Variants in PCDH15 observed in about 807,000 individuals in gnomAD.
The protein encoded by PCDH15 is protocadherin-15.
In PCDH15, 129 loss-of-function variants were observed where a neutral mutation model predicts 178.5. The observed-to-expected ratio is 0.72, with a 90% CI of 0.63 to 0.84. PCDH15 has a LOEUF of 0.84. Among genes scored for constraint, PCDH15 ranks in the 40% least tolerant of loss-of-function variants. The pLI is 0.00. For synonymous variants in PCDH15, 800 were observed against 732.0 expected (o/e 1.09, Z -1.50); for missense variants, 2,230 against 2,099.9 (o/e 1.06, Z -1.21).
intron 1 of PCDH15, among the ~76,000 whole-genome samples, chr10:55,263,966 C>T (rs975736201): frequency 6.8e-6 from 1 of 147,338 alleles, no homozygotes; most frequent in African/African-American, 2.6e-5. Flanking sequence ...GATCTCCGGA[C>T]CTCGTGATTC....
chr10:55,019,091 C>A (rs996236412), intron 2 of PCDH15, among the ~76,000 whole-genome samples: 2 of 151,976 alleles, frequency 1.3e-5, no homozygotes, highest in African/African-American at 2.4e-5. Context: ...TGCTCTAAAT[C>A]TTTTTTTATT....
At chr10:54,042,508 T>A (rs2093569931) in intron 18 of PCDH15, among the ~76,000 whole-genome samples, 2 of 151,782 alleles carry the variant, frequency 1.3e-5, no homozygotes, top group African/African-American at 4.8e-5. Context: ...AATGAAAGAG[T>A]GAATCACACA....
At chr10:55,157,737 T>C (rs1838929413) in intron 2 of PCDH15, among the ~76,000 whole-genome samples, 1 of 150,558 alleles carries the variant, frequency 6.6e-6, no homozygotes, top group Non-Finnish European at 1.5e-5. Context: ...TTCTCACTCA[T>C]AGGTGGGAAT....
intron 2 of PCDH15, among the ~76,000 whole-genome samples, chr10:55,028,041 G>A (rs1466043873): frequency 6.6e-6 from 1 of 151,704 alleles, no homozygotes; most frequent in African/African-American, 2.4e-5. Context: ...CTCAAGCAAA[G>A]GTCAATATCA....
chr10:55,238,145 C>CTTTTTTTTTTTTTTTTTTTTTTTTTTT (rs758000610), intron 1 of PCDH15, among the ~76,000 whole-genome samples: 1 of 124,460 alleles, frequency 8.0e-6, no homozygotes, highest in Non-Finnish European at 1.7e-5. Context: ...TTCATATTTT[C>CTTTTTTTTTTTTTTTTTTTTTTTTTTT]TTTTTTTTTT....
At chr10:53,849,210 T>C (rs139884168) in intron 28 of PCDH15, among the ~76,000 whole-genome samples, 263 of 152,276 alleles carry the variant, frequency 1.7e-3, no homozygotes, top group African/African-American at 6.1e-3. Flanking sequence ...CCTCATTCTT[T>C]AGTTTTTAAT....
At chr10:54,532,334 G>A (rs2084010845) in intron 2 of PCDH15, among the ~76,000 whole-genome samples, 1 of 152,022 alleles carries the variant, frequency 6.6e-6, no homozygotes, top group Non-Finnish European at 1.5e-5. Context: ...TCCACAATAT[G>A]CCTTCTCCTT....
In PCDH15 at chr10:54,718,838, A is replaced by G. The variant is rs575397118; in HGVS notation, c.-28-54548T>C. ...CAGCCTCCCAAGTAGCTGGCACTACAGGCATGCACCACCATGTCCAGCTAA... is the reference window on the plus strand; with the variant it reads ...CAGCCTCCCAAGTAGCTGGCACTACGGGCATGCACCACCATGTCCAGCTAA... On this transcript the variant is annotated intron_variant, in intron 1 of 37. Coordinates refer to ENST00000644397, the MANE Select transcript of PCDH15 (RefSeq NM_001384140.1). Among the ~76,000 whole-genome samples, 67 of 151,966 alleles carry G rather than the reference A, an allele frequency of 4.4e-4. 3 individuals are homozygous for G. The South Asian group carries it at 0.014, about 31-fold the overall frequency.
At chr10:55,532,923 C>G (rs944481042) in intron 2 of PCDH15, among the ~76,000 whole-genome samples, 1 of 152,020 alleles carries the variant, frequency 6.6e-6, no homozygotes, top group Non-Finnish European at 1.5e-5. Context: ...CATGAGCTTT[C>G]AGGAAGACAG....
chr10:54,005,883 A>G (rs1012842467), intron 20 of PCDH15, among the ~76,000 whole-genome samples: 1 of 152,170 alleles, frequency 6.6e-6, no homozygotes, highest in Non-Finnish European at 1.5e-5. Flanking sequence ...ACTATTTACC[A>G]TGGCCAAGAT....
intron 1 of PCDH15, among the ~76,000 whole-genome samples, chr10:54,677,102 T>G: frequency 6.6e-6 from 1 of 152,198 alleles, no homozygotes; most frequent in East Asian, 1.9e-4. Flanking sequence ...CACAACATGG[T>G]GGCTCACACA....
At chr10:55,205,676 C>T (rs550742870) in intron 1 of PCDH15, among the ~76,000 whole-genome samples, 1 of 152,064 alleles carries the variant, frequency 6.6e-6, no homozygotes, top group Admixed American at 6.6e-5. Context: ...TTCTTTCCTT[C>T]CTGTTTAATT....
chr10:55,096,217 T>C (rs937143808), intron 2 of PCDH15, among the ~76,000 whole-genome samples: 2 of 152,094 alleles, frequency 1.3e-5, no homozygotes, highest in Admixed American at 1.3e-4. Context: ...GAAACCACCA[T>C]CCCATGGGGA....
chr10:55,059,907 T>G (rs866467664), intron 2 of PCDH15, among the ~76,000 whole-genome samples: 2 of 151,892 alleles, frequency 1.3e-5, no homozygotes, highest in Non-Finnish European at 2.9e-5. Context: ...AATAGATGAA[T>G]AGAAATAATA....
At chr10:55,513,893 G>A (rs973026182) in intron 2 of PCDH15, among the ~76,000 whole-genome samples, 17 of 151,924 alleles carry the variant, frequency 1.1e-4, no homozygotes, top group African/African-American at 3.9e-4. Context: ...TTAAAAAGGT[G>A]TACCAAACAT....
intron 2 of PCDH15, among the ~76,000 whole-genome samples, chr10:55,361,406 T>C (rs1707364985): frequency 6.6e-6 from 1 of 152,068 alleles, no homozygotes; most frequent in African/African-American, 2.4e-5. Context: ...ATGATTCTCC[T>C]CTGTAGTCTA....
At chr10:54,059,964 A>G (rs2093979814) in intron 18 of PCDH15, among the ~76,000 whole-genome samples, 1 of 152,236 alleles carries the variant, frequency 6.6e-6, no homozygotes, top group African/African-American at 2.4e-5. Context: ...GCTTCTTTCA[A>G]TGCAAGCTCC....
At chr10:55,554,069 G>T (rs189674476) in intron 2 of PCDH15, among the ~76,000 whole-genome samples, 1 of 151,952 alleles carries the variant, frequency 6.6e-6, no homozygotes, top group African/African-American at 2.4e-5. Context: ...CAAAAGATAT[G>T]TAAAACTTGT....
At chr10:54,894,338 A>G (rs1041016549) in intron 3 of PCDH15, among the ~76,000 whole-genome samples, 2 of 152,122 alleles carry the variant, frequency 1.3e-5, no homozygotes, top group Non-Finnish European at 2.9e-5. Flanking sequence ...AAGGCTATAT[A>G]ATGTTTAGGG....
Sources: gnomAD v4.1 joint callset for allele counts (sites outside exome capture counted in the v4.1 genomes callset) on GRCh38, gnomAD v4.1.1 for gene constraint, MANE v1.5 for transcripts, NCBI Gene and HGNC (gene_info 2026-07-23, HGNC 2026-07-21) for gene names.